The following LRMDA variants were observed in gnomAD, a reference collection of about 807,000 sequenced individuals.
LRMDA encodes leucine-rich melanocyte differentiation-associated protein.
In LRMDA, 18 loss-of-function variants were observed where a neutral mutation model predicts 29.8. The observed-to-expected ratio is 0.60, with a 90% CI of 0.42 to 0.90. The LOEUF (loss-of-function observed/expected upper bound fraction) is 0.90, where lower values mean the gene tolerates loss of function less well. LRMDA is among the 40% of genes least tolerant of loss of function. LRMDA has a pLI of 0.00. For missense variants in LRMDA, 273 were observed against 273.9 expected, an observed-to-expected ratio of 1.00 and a Z score of 0.02; for synonymous variants, 125 against 109.4, an observed-to-expected ratio of 1.14 and a Z score of -0.89.
At chr10:75,563,651 C>A (rs1002528847) in intron 2 of LRMDA, among the ~76,000 whole-genome samples, 1 of 152,208 alleles carries the variant, frequency 6.6e-6, no homozygotes, top group East Asian at 1.9e-4. Flanking sequence ...TTTTCCCCAT[C>A]TTTGTGGTTT....
intron 6 of LRMDA, among the ~76,000 whole-genome samples, chr10:76,539,370 G>T (rs1843327466): frequency 6.6e-6 from 1 of 152,162 alleles, no homozygotes; most frequent in Non-Finnish European, 1.5e-5. Context: ...TGTTCATTAG[G>T]AAAGAAATAG....
At chr10:75,856,322 A>T (rs1336438101) in intron 2 of LRMDA, among the ~76,000 whole-genome samples, 1 of 152,120 alleles carries the variant, frequency 6.6e-6, no homozygotes, top group Non-Finnish European at 1.5e-5. Flanking sequence ...ATTTTCTTTG[A>T]AGCAATTGTG....
intron 5 of LRMDA, among the ~76,000 whole-genome samples, chr10:76,146,158 G>A (rs1203826931): frequency 6.6e-6 from 1 of 152,192 alleles, no homozygotes; most frequent in Non-Finnish European, 1.5e-5. Context: ...TGAAAAGAAT[G>A]TATATTCCGT....
intron 2 of LRMDA, among the ~76,000 whole-genome samples, chr10:75,897,946 T>G (rs1845611940): frequency 6.7e-6 from 1 of 148,944 alleles, no homozygotes; most frequent in African/African-American, 2.5e-5. Flanking sequence ...CCCAGTCTCC[T>G]GAGTAGCTGG....
chr10:75,903,675 A>G (rs1845714728), intron 2 of LRMDA, among the ~76,000 whole-genome samples: 2 of 152,240 alleles, frequency 1.3e-5, no homozygotes, highest in South Asian at 4.1e-4. Context: ...CAGTGCGATC[A>G]CTAGGAGTCC....
At chr10:75,507,895 T>A (rs1175032708) in intron 2 of LRMDA, among the ~76,000 whole-genome samples, 1 of 152,212 alleles carries the variant, frequency 6.6e-6, no homozygotes, top group East Asian at 1.9e-4. Context: ...TCCTGAGGCA[T>A]CTATAAAGCC....
chr10:75,856,279 A>C (rs552634660), intron 2 of LRMDA, among the ~76,000 whole-genome samples: 3 of 152,282 alleles, frequency 2.0e-5, no homozygotes, highest in African/African-American at 7.2e-5. Context: ...GAGGTCCTTC[A>C]TGTCCGTTGT....
intron 5 of LRMDA, among the ~76,000 whole-genome samples, chr10:76,279,539 C>CT (rs759651873): frequency 0.017 from 1,612 of 93,710 alleles, 34 homozygotes; most frequent in African/African-American, 0.035. Flanking sequence ...ACAAATGCTT[C>CT]TTTTTTTTTT....
chr10:75,944,842 C>T (rs1405429468), intron 2 of LRMDA, among the ~76,000 whole-genome samples: 1 of 151,466 alleles, frequency 6.6e-6, no homozygotes, highest in Non-Finnish European at 1.5e-5. Flanking sequence ...TTCTAGTTCT[C>T]TAATGAGAAT....
chr10:75,517,272 T>C (rs1433616101), intron 2 of LRMDA, among the ~76,000 whole-genome samples: 2 of 152,190 alleles, frequency 1.3e-5, no homozygotes, highest in Non-Finnish European at 2.9e-5. Flanking sequence ...TGGCATTGAA[T>C]CTATAAATTA....
intron 2 of LRMDA, among the ~76,000 whole-genome samples, chr10:75,644,171 A>G (rs1841487676): frequency 6.6e-6 from 1 of 152,126 alleles, no homozygotes; most frequent in African/African-American, 2.4e-5. Context: ...ATGGATGGTG[A>G]CCCTTCTGGA....
At chr10:75,565,561 T>C (rs1840360933) in intron 2 of LRMDA, among the ~76,000 whole-genome samples, 1 of 151,344 alleles carries the variant, frequency 6.6e-6, no homozygotes, top group Non-Finnish European at 1.5e-5. Context: ...TGTAGATGAC[T>C]TGGAGGTGCT....
chr10:76,236,864 A>T (rs898264327), intron 5 of LRMDA, among the ~76,000 whole-genome samples: 5 of 152,200 alleles, frequency 3.3e-5, no homozygotes, highest in African/African-American at 1.2e-4. Flanking sequence ...AAAATTTATG[A>T]CTTAGTAATT....
In LRMDA at chr10:76,503,675, C is replaced by T. The variant is rs1842933303; in HGVS notation, c.602-53534C>T. On this transcript the variant is annotated intron_variant, in intron 6 of 6. Transcript: ENST00000611255. ...ATTTCTGTGGTATCAATTGTAATGT[C>T]ATCTTTGTCACTTCTGATTTTGCTT... 2.0e-5 allele frequency among the ~76,000 whole-genome samples: 3 copies of T among 151,532 alleles called. No individual in the cohort carries two copies. The South Asian group carries it at 6.2e-4, about 31-fold the overall frequency.
intron 5 of LRMDA, among the ~76,000 whole-genome samples, chr10:76,196,160 T>A (rs1160340023): frequency 6.6e-6 from 1 of 152,206 alleles, no homozygotes; most frequent in Non-Finnish European, 1.5e-5. Context: ...GCTCTGTCTG[T>A]TTTGCCAACT....
intron 2 of LRMDA, among the ~76,000 whole-genome samples, chr10:75,979,937 G>A (rs1285343122): frequency 6.6e-6 from 1 of 152,186 alleles, no homozygotes; most frequent in East Asian, 1.9e-4. Context: ...GAATGGGCTT[G>A]TTGACAAGGT....
At chr10:75,441,487 A>G (rs1371557850) in intron 2 of LRMDA, among the ~76,000 whole-genome samples, 1 of 152,170 alleles carries the variant, frequency 6.6e-6, no homozygotes, top group African/African-American at 2.4e-5. Flanking sequence ...CTGGGTGGTA[A>G]TTGTGGCACA....
At chr10:76,324,304 C>G (rs983112337) in intron 5 of LRMDA, 97 bp from the exon 6 acceptor site, 1 of 1,052,502 alleles carries the variant, frequency 9.5e-7, no homozygotes, top group Non-Finnish European at 1.5e-6. Context: ...AATATTTTCT[C>G]CAAGCTCAGA....
At chr10:76,184,591 G>A (rs1029648259) in intron 5 of LRMDA, among the ~76,000 whole-genome samples, 1 of 152,230 alleles carries the variant, frequency 6.6e-6, no homozygotes, top group Non-Finnish European at 1.5e-5. Flanking sequence ...TGGAAAAAGT[G>A]TATGAAGTGG....
Sources: gnomAD v4.1 joint callset for allele counts (sites outside exome capture counted in the v4.1 genomes callset) on GRCh38, gnomAD v4.1.1 for gene constraint, MANE v1.5 for transcripts, NCBI Gene and HGNC (gene_info 2026-07-23, HGNC 2026-07-21) for gene names.